ADAMTSL1: variants seen among roughly 807,000 people sequenced by gnomAD.
ADAMTSL1 encodes ADAMTS like 1, also known as ADAMTS-like protein 1.
A neutral mutation model predicts 201.8 loss-of-function variants in ADAMTSL1; 126 were observed. The observed-to-expected ratio is 0.62, with a 90% CI of 0.54 to 0.72. The LOEUF (loss-of-function observed/expected upper bound fraction) is 0.72. ADAMTSL1 is among the 30% of genes least tolerant of loss of function. The pLI is 0.00. For synonymous variants in ADAMTSL1, 1,121 were observed against 903.4 expected (o/e 1.24, Z -4.32); for missense variants, 2,679 against 2,277.8 (o/e 1.18, Z -3.59).
intron 2 of ADAMTSL1, among the ~76,000 whole-genome samples, chr9:18,167,297 C>G (rs1370120221): frequency 6.6e-6 from 1 of 151,910 alleles, no homozygotes; most frequent in African/African-American, 2.4e-5. Context: ...GTGGTAAACA[C>G]AGTGGTTATT....
At chr9:17,916,220 C>T (rs1826088887) in intron 1 of ADAMTSL1, among the ~76,000 whole-genome samples, 1 of 152,224 alleles carries the variant, frequency 6.6e-6, no homozygotes. Context: ...CACCCAGCCA[C>T]TATGAATGTC....
intron 4 of ADAMTSL1, among the ~76,000 whole-genome samples, chr9:18,585,473 T>A (rs1823422810): frequency 6.6e-6 from 1 of 152,284 alleles, no homozygotes; most frequent in African/African-American, 2.4e-5. Flanking sequence ...CTTCTGCCAA[T>A]TCTGTGGGAT....
At chr9:17,923,634 T>A (rs1229794529) in intron 1 of ADAMTSL1, among the ~76,000 whole-genome samples, 1 of 113,370 alleles carries the variant, frequency 8.8e-6, no homozygotes, top group African/African-American at 3.3e-5. Flanking sequence ...CCTGCCTAAT[T>A]GCCCTGGCCA....
chr9:18,087,882 A>G (rs996044968), intron 1 of ADAMTSL1, among the ~76,000 whole-genome samples: 1 of 152,140 alleles, frequency 6.6e-6, no homozygotes, highest in African/African-American at 2.4e-5. Context: ...GATGAAATAG[A>G]AAGCAGTTGC....
chr9:18,255,604 G>C (rs926092569), intron 2 of ADAMTSL1, among the ~76,000 whole-genome samples: 3 of 152,238 alleles, frequency 2.0e-5, no homozygotes, highest in Non-Finnish European at 4.4e-5. Context: ...GAATAAAGGT[G>C]TGAAATATGA....
At chr9:18,074,467 C>G (rs542388312) in intron 1 of ADAMTSL1, among the ~76,000 whole-genome samples, 42 of 131,352 alleles carry the variant, frequency 3.2e-4, no homozygotes, top group African/African-American at 6.5e-4. Context: ...TTTCACCACA[C>G]TGTGTTTTCT....
At chr9:18,498,624 C>G (rs982721640) in intron 1 of ADAMTSL1, among the ~76,000 whole-genome samples, 6 of 152,056 alleles carry the variant, frequency 3.9e-5, no homozygotes, top group Non-Finnish European at 8.8e-5. Flanking sequence ...CCACCGCGCC[C>G]GGCCAATGTT....
chr9:18,006,057 G>A (rs1189110887), intron 1 of ADAMTSL1, among the ~76,000 whole-genome samples: 1 of 151,810 alleles, frequency 6.6e-6, no homozygotes, highest in East Asian at 1.9e-4. Context: ...CTGCAGTAAT[G>A]AGGTGGTAAA....
chr9:17,918,052 C>A (rs1298773560), intron 1 of ADAMTSL1, among the ~76,000 whole-genome samples: 1 of 151,720 alleles, frequency 6.6e-6, no homozygotes, highest in Non-Finnish European at 1.5e-5. Context: ...CTTTCTTTTT[C>A]CCTGATCAAT....
intron 23 of ADAMTSL1, among the ~76,000 whole-genome samples, chr9:18,869,380 G>A (rs1334129347): frequency 1.3e-5 from 2 of 152,240 alleles, no homozygotes; most frequent in Non-Finnish European, 1.5e-5. Context: ...TGCCTCCAGG[G>A]AAATTGCAGA....
rs574960317 is a variant in ADAMTSL1, at chr9:18,639,115, T to C, written c.677-139T>C. On this transcript the variant is annotated intron_variant, in intron 6 of 28. Transcript: ENST00000380548. ...GCAGTGCCTGTATAGTTTGTTGATA[T>C]CACAATTTCAATTTTGTCAGCTATA... The C allele has an allele frequency of 7.2e-4, 535 of 747,422 alleles. 3 individuals are homozygous for C. Among genetic ancestry groups the C allele is most frequent in the South Asian group, 1.7e-3 (99 of 57,110 alleles). 46.3% of individuals were successfully genotyped at this position (747,422 alleles called of 1,614,324 possible).
intron 2 of ADAMTSL1, among the ~76,000 whole-genome samples, chr9:18,510,881 A>G (rs1817983665): frequency 6.6e-6 from 1 of 152,042 alleles, no homozygotes; most frequent in African/African-American, 2.4e-5. Context: ...TCACCCCCCT[A>G]CTAAATACTC....
chr9:18,372,563 C>T (rs1837093630), intron 2 of ADAMTSL1, among the ~76,000 whole-genome samples: 1 of 152,162 alleles, frequency 6.6e-6, no homozygotes, highest in Admixed American at 6.5e-5. Flanking sequence ...ACCCCTAGTT[C>T]AGGCTCTTTC....
chr9:18,730,685 A>G (rs146203755), intron 15 of ADAMTSL1, among the ~76,000 whole-genome samples: 3 of 152,344 alleles, frequency 2.0e-5, no homozygotes, highest in Non-Finnish European at 4.4e-5. Context: ...CTGCATTAAC[A>G]CAGCTCCCAG....
chr9:17,933,781 G>A (rs986214140), intron 1 of ADAMTSL1, among the ~76,000 whole-genome samples: 4 of 152,116 alleles, frequency 2.6e-5, no homozygotes, highest in African/African-American at 7.2e-5. Flanking sequence ...ACTATCATGA[G>A]AACAGCAAGG....
intron 1 of ADAMTSL1, among the ~76,000 whole-genome samples, chr9:18,142,656 G>A (rs778246492): frequency 2.0e-4 from 31 of 152,268 alleles, no homozygotes; most frequent in Middle Eastern, 3.4e-3. Context: ...TTTTAACACG[G>A]AAGTCAGAGA....
intron 1 of ADAMTSL1, among the ~76,000 whole-genome samples, chr9:17,940,993 C>G (rs1827219012): frequency 6.6e-6 from 1 of 151,922 alleles, no homozygotes; most frequent in South Asian, 2.1e-4. Flanking sequence ...CCATGAACAT[C>G]TCTTCTGCAG....
At chr9:18,103,905 T>C (rs571995013) in intron 1 of ADAMTSL1, among the ~76,000 whole-genome samples, 3 of 152,278 alleles carry the variant, frequency 2.0e-5, no homozygotes, top group Admixed American at 6.5e-5. Context: ...ACTCTTCACT[T>C]TGGAGATGTG....
chr9:18,639,278 G>C lies in ADAMTSL1; in HGVS notation c.701G>C (p.Gly234Ala), dbSNP rs1827294569. The change falls in exon 7 of 29, where the codon GGG (glycine) becomes GCG (alanine). Residue 234 changes from glycine (G) to alanine (A), a missense_variant. Coordinates refer to ENST00000380548, the MANE Select transcript of ADAMTSL1 (RefSeq NM_001040272.6). ...HLYLETKTLQ[G>A]TKGENSLSST... is the part of the protein sequence containing the mutation. ...GATCTGGAAACCAAAACCCTCCAGG[G>C]GACTAAAGGTGAAAACAGTCTCAGC... The C allele has an allele frequency of 1.9e-6, 3 of 1,612,796 alleles. No homozygotes were observed. Among genetic ancestry groups the C allele is most frequent in the Non-Finnish European group, 2.5e-6 (3 of 1,179,244 alleles).
Sources: gnomAD v4.1 joint callset for allele counts (sites outside exome capture counted in the v4.1 genomes callset) on GRCh38, gnomAD v4.1.1 for gene constraint, MANE v1.5 for transcripts, NCBI Gene and HGNC (gene_info 2026-07-23, HGNC 2026-07-21) for gene names.